ABRA: variants seen among roughly 807,000 people sequenced by gnomAD.
ABRA encodes the protein actin binding Rho activating protein, also known as actin-binding Rho-activating protein.
Under a neutral mutation model 33.4 loss-of-function variants are expected in ABRA, and 25 were observed. That is an observed-to-expected ratio of 0.75 (90% CI 0.55 to 1.04). The LOEUF (loss-of-function observed/expected upper bound fraction) is 1.04. Among genes scored for constraint, ABRA ranks in the 50% least tolerant of loss-of-function variants. The pLI is 0.00. For synonymous variants in ABRA, 193 were observed against 176.8 expected (o/e 1.09, Z -0.73); for missense variants, 501 against 491.7 (o/e 1.02, Z -0.18).
chr8:106,764,436 T>C (rs968062443), intron 1 of ABRA, among the ~76,000 whole-genome samples: 15 of 152,132 alleles, frequency 9.9e-5, no homozygotes, highest in Non-Finnish European at 1.9e-4. Context: ...GGCAGATCAC[T>C]TGAGGCCAGG....
intron 1 of ABRA, 36 bp downstream of exon 1, chr8:106,769,487 T>A: frequency 6.3e-7 from 1 of 1,587,224 alleles, no homozygotes. Context: ...TCAATAGTGA[T>A]CCTGACACAA....
At chr8:106,764,676 A>G (rs12676199) in intron 1 of ABRA, among the ~76,000 whole-genome samples, 2 of 151,692 alleles carry the variant, frequency 1.3e-5, no homozygotes, top group African/African-American at 4.9e-5. Flanking sequence ...AACAAACAAA[A>G]AAGACTGTAA....
At chr8:106,767,432 A>G (rs1836239525) in intron 1 of ABRA, among the ~76,000 whole-genome samples, 1 of 152,210 alleles carries the variant, frequency 6.6e-6, no homozygotes, top group Admixed American at 6.5e-5. Context: ...CGGATAGCAT[A>G]GTTACTTCTG....
Position 106,760,899 on chromosome 8 carries a change from A to T in ABRA, c.*138T>A. On this transcript the variant is annotated 3_prime_UTR_variant, in exon 2 of 2. Transcript: ENST00000311955. ...AATTCCTCATTCTAGATAGAAATAG[A>T]ATGCCAGAAAGTCGTTTATGTAAAA... The T allele has an allele frequency of 2.5e-6, 2 of 784,672 alleles. No homozygotes were observed. The highest frequency in any genetic ancestry group is 4.2e-6 in the Non-Finnish European group (2 of 478,698). 48.6% of individuals were successfully genotyped at this position (784,672 alleles called of 1,614,324 possible).
chr8:106,769,702 AC>A lies in ABRA; in HGVS notation c.488del (p.Cys163LeufsTer8). 1 of 1,614,102 alleles carries A rather than the reference AC, an allele frequency of 6.2e-7. No individual in the cohort carries two copies. The highest frequency in any genetic ancestry group is 8.5e-7 in the Non-Finnish European group (1 of 1,180,032). On this transcript the variant is annotated frameshift_variant, in exon 1 of 2. Transcript: ENST00000311955. LOFTEE classifies it high-confidence loss of function. The stretch of plus-strand genomic sequence containing the variant: ...TGGTTAGCTCAGACACCAGGTTGGC[AC>A]ATTTTCTCCTCCGCGTTGGGGAGCC... ...SHGSPTRRRK[C>X]ANLVSELTKG...
At chr8:106,763,325 T>C (rs1335204117) in intron 1 of ABRA, among the ~76,000 whole-genome samples, 1 of 152,216 alleles carries the variant, frequency 6.6e-6, no homozygotes, top group Non-Finnish European at 1.5e-5. Context: ...AGAATTGGAA[T>C]TGGAAATACT....
chr8:106,763,666 T>C (rs1836168289), intron 1 of ABRA, among the ~76,000 whole-genome samples: 1 of 152,220 alleles, frequency 6.6e-6, no homozygotes, highest in Non-Finnish European at 1.5e-5. Context: ...CAAAGGCATA[T>C]TCTTCAATAT....
At position 106,761,406 on chromosome 8, in the gene ABRA, G is replaced by C. The variant is rs1379527054; in HGVS notation, c.777C>G (p.Ser259=). 1.2e-6 allele frequency: 2 copies of C among 1,614,012 alleles called. No individual in the cohort carries two copies. The highest frequency in any genetic ancestry group is 2.2e-5 in the East Asian group (1 of 44,888). ...WQQWADEHIQ[S]QKLNPFSEEF... ...CTTCACTGAAAGGATTGAGCTTCTG[G>C]GATTGTATGTGTTCATCAGCCCACT... The change falls in exon 2 of 2, where the codon TCC becomes TCG. Residue 259 remains serine (S), a synonymous_variant. Transcript: ENST00000311955.
chr8:106,766,484 T>C (rs1474785452), intron 1 of ABRA, among the ~76,000 whole-genome samples: 3 of 152,194 alleles, frequency 2.0e-5, no homozygotes, highest in Admixed American at 6.5e-5. Context: ...ATTGGCTTAG[T>C]AATGCTGCTT....
At chr8:106,763,342 T>A (rs1836163907) in intron 1 of ABRA, among the ~76,000 whole-genome samples, 1 of 152,218 alleles carries the variant, frequency 6.6e-6, no homozygotes, top group African/African-American at 2.4e-5. Flanking sequence ...TACTCCTACA[T>A]GTAACACCAC....
rs761428643 is a variant in ABRA at position 106,769,954 on chromosome 8, T to C, written c.237A>G (p.Pro79=). The change falls in exon 1 of 2, where the codon CCA becomes CCG. Residue 79 remains proline (P), a synonymous_variant. Coordinates refer to ENST00000311955, the MANE Select transcript of ABRA (RefSeq NM_139166.5). ...CTTCTGGCAGGCGGGGTGGCGACTT[T>C]GGGGCACTCTGAGCTTTCTGGTGTG... The part of the protein sequence containing the change: ...PTSHQKAQSA[P]KSPPRLPEGH... 4 of 1,613,648 alleles carry C rather than the reference T, an allele frequency of 2.5e-6. No homozygotes were observed. Among genetic ancestry groups the C allele is most frequent in the African/African-American group, 1.3e-5 (1 of 74,770 alleles).
In ABRA at chr8:106,769,797, C is replaced by A. The variant is rs368270742; in HGVS notation, c.394G>T (p.Glu132Ter). The A allele has an allele frequency of 1.2e-5, 20 of 1,614,204 alleles. No individual in the cohort carries two copies. Among genetic ancestry groups the A allele is most frequent in the East Asian group, 2.2e-5 (1 of 44,888 alleles). ...GDVSHLSHRY[E>*]RDAGVLEPGQ... ...GGTTCAAGCACACCAGCATCCCTCT[C>A]GTACCTGTGGCTGAGGTGGCTCACG... The change falls in exon 1 of 2, where the codon GAG (glutamate) becomes TAG (stop). Residue 132 changes from glutamate to a stop codon, truncating the protein, a stop_gained. Transcript: ENST00000311955. LOFTEE classifies it high-confidence loss of function.
At chr8:106,769,465 CTTGG>C in intron 1 of ABRA, 54 bp downstream of exon 1, 3 of 1,555,512 alleles carry the variant, frequency 1.9e-6, no homozygotes, top group Non-Finnish European at 2.6e-6. Context: ...GATTCCCAGA[CTTGG>C]TTGGGGCTCA....
chr8:106,761,314 T>C lies in ABRA; in HGVS notation c.869A>G (p.Lys290Arg). 1.9e-6 allele frequency: 3 copies of C among 1,614,186 alleles called. No homozygotes were observed. The highest frequency in any genetic ancestry group is 2.2e-5 in the East Asian group (1 of 44,880). ...HKGDEGYGRP[K>R]EGTKTAERAK... ...CCTTTCAGCAGTTTTGGTTCCTTCT[T>C]TGGGGCGGCCATAGCCCTCATCTCC... Residue 290 changes from lysine (K) to arginine (R), a missense_variant, in exon 2 of 2, where the codon AAA becomes AGA. Transcript: ENST00000311955.
Position 106,759,618 on chromosome 8 carries a change from G to A in ABRA, c.*1419C>T, listed in dbSNP as rs1256694486. ...CATTAACTTATAGCTTTATAAATAC[G>A]GTATGGAAACAAAATACGCATACTT... On this transcript the variant is annotated 3_prime_UTR_variant, in exon 2 of 2. Coordinates refer to ENST00000311955, the MANE Select transcript of ABRA (RefSeq NM_139166.5). The A allele has an allele frequency of 1.3e-5, 2 of 152,018 alleles. No individual in the cohort carries two copies. Among genetic ancestry groups the A allele is most frequent in the Non-Finnish European group, 2.9e-5 (2 of 67,990 alleles). The allele number at this position is 152,018 out of a possible 1,614,324, so 9.4% of individuals were successfully genotyped here. A position where few individuals can be genotyped will look rare whatever the true frequency, so the allele number is the denominator to read the frequency against.
chr8:106,761,232 G>A lies in ABRA; in HGVS notation c.951C>T (p.Ile317=), dbSNP rs1396025869. The A allele has an allele frequency of 1.9e-6, 3 of 1,614,094 alleles. No homozygotes were observed. Among genetic ancestry groups the A allele is most frequent in the African/African-American group, 1.3e-5 (1 of 74,932 alleles). ...YREMMDMCFI[I]CTMARHRRDG... is the part of the protein sequence containing the mutation. ...CTCGTCTGTGGCGAGCCATTGTGCAGATAATGAAGCACATGTCCATCATTT... is the reference window on the plus strand; with the variant it reads ...CTCGTCTGTGGCGAGCCATTGTGCAAATAATGAAGCACATGTCCATCATTT... Residue 317 remains isoleucine, a synonymous_variant, in exon 2 of 2, where the codon ATC becomes ATT. Transcript: ENST00000311955.
At chr8:106,765,001 C>A (rs896183731) in intron 1 of ABRA, among the ~76,000 whole-genome samples, 2 of 151,824 alleles carry the variant, frequency 1.3e-5, no homozygotes, top group Admixed American at 1.3e-4. Flanking sequence ...ATGTAAGAAT[C>A]GATACCAGAT....
At position 106,761,514 on chromosome 8, in the gene ABRA, C is replaced by G. The variant is rs761663606; in HGVS notation, c.669G>C (p.Gln223His). 5 of 1,609,292 alleles carry G rather than the reference C, an allele frequency of 3.1e-6. No homozygotes were observed. In the Admixed American group the frequency reaches 6.7e-5, roughly 22 times the overall value. Reference protein sequence around the residue: ...VVRIKRPLPSQVNRFTEKLNC... With the variant: ...VVRIKRPLPSHVNRFTEKLNC... Reference sequence around the variant, plus strand: ...TGAGTTTCTCTGTAAATCTGTTTACCCTAAAGTAGAGAGAGGGTGAACAAT... The same window carrying G: ...TGAGTTTCTCTGTAAATCTGTTTACGCTAAAGTAGAGAGAGGGTGAACAAT... Residue 223 changes from glutamine (Q) to histidine (H), a missense_variant and splice_region_variant, in exon 2 of 2, where the codon CAG becomes CAC. By Grantham distance (24) the Gln-to-His change is conservative. Transcript: ENST00000311955.
Position 106,760,957 on chromosome 8 carries a change from G to T in ABRA, c.*80C>A, listed in dbSNP as rs994720707. The T allele has an allele frequency of 4.0e-6, 5 of 1,236,210 alleles. No homozygotes were observed. In the African/African-American group the frequency reaches 7.5e-5, roughly 19 times the overall value. The allele number at this position is 1,236,210 out of a possible 1,614,324, so 76.6% of individuals were successfully genotyped here. A position where few individuals can be genotyped will look rare whatever the true frequency, so the allele number is the denominator to read the frequency against. Reference sequence around the variant, plus strand: ...AATATTTACTAACTTATTACAGAGAGTTTGCATTTTCATTTTACCTACATG... The same window carrying T: ...AATATTTACTAACTTATTACAGAGATTTTGCATTTTCATTTTACCTACATG... On this transcript the variant is annotated 3_prime_UTR_variant, in exon 2 of 2. Coordinates refer to ENST00000311955, the MANE Select transcript of ABRA (RefSeq NM_139166.5).
Sources: allele counts gnomAD v4.1 joint callset (sites outside exome capture counted in the v4.1 genomes callset), GRCh38; gene constraint gnomAD v4.1.1; transcripts MANE v1.5; gene names NCBI Gene and HGNC (gene_info 2026-07-23, HGNC 2026-07-21).